COL24A1: variants seen among roughly 807,000 people sequenced by gnomAD.
COL24A1 encodes collagen alpha-1(XXIV) chain.
Under a neutral mutation model 253.9 loss-of-function variants are expected in COL24A1, and 224 were observed. That is an observed-to-expected ratio of 0.88 (90% CI 0.79 to 0.99). The LOEUF is 0.99. Ranked by LOEUF, COL24A1 falls within the 50% of genes least tolerant of loss-of-function variation. The probability of loss-of-function intolerance (pLI) is 0.00; values close to 1 mark genes in which losing one functional copy is unlikely to be tolerated. For missense variants in COL24A1, 2,131 were observed against 2,068.5 expected (o/e 1.03, Z -0.59); for synonymous variants, 685 against 673.7 (o/e 1.02, Z -0.26).
At position 85,744,719 on chromosome 1, in the gene COL24A1, T is replaced by A. The variant is rs758879756; in HGVS notation, c.4619A>T (p.Asn1540Ile). The A allele has an allele frequency of 6.2e-7, 1 of 1,609,920 alleles. No individual in the cohort carries two copies. Among genetic ancestry groups the A allele is most frequent in the Admixed American group, 1.7e-5 (1 of 59,408 alleles). ...TAAATCTTTGCAGATTCGTGCTGGGTTATCTCGTGTGCCAAGAGGATTCTT... is the reference window on the plus strand; with the variant it reads ...TAAATCTTTGCAGATTCGTGCTGGGATATCTCGTGTGCCAAGAGGATTCTT... ...SIKNPLGTRD[N>I]PARICKDLLN... The change falls in exon 57 of 60, where the codon AAC (asparagine) becomes ATC (isoleucine). Residue 1540 changes from asparagine to isoleucine, a missense_variant. By Grantham distance (149) the Asn-to-Ile change is moderately radical (BLOSUM62 -3). Transcript: ENST00000370571.
chr1:85,736,609 T>A (rs1664085624), intron 58 of COL24A1: 2 of 417,030 alleles, frequency 4.8e-6, no homozygotes, highest in Non-Finnish European at 9.8e-6. Context: ...AGAGGTGTTT[T>A]AGGAGGAGAG....
intron 24 of COL24A1, among the ~76,000 whole-genome samples, chr1:85,954,903 C>T (rs771375374): frequency 6.6e-6 from 1 of 152,164 alleles, no homozygotes; most frequent in Non-Finnish European, 1.5e-5. Context: ...TGAATGGTAC[C>T]ACCAGTATCT....
chr1:85,730,814 C>T, intron 59 of COL24A1, 122 bp from the exon 60 acceptor site: 1 of 971,422 alleles, frequency 1.0e-6, no homozygotes. Flanking sequence ...TAGAAAGTGC[C>T]TAGAACAATG....
chr1:85,823,216 C>T (rs113165963), intron 45 of COL24A1, among the ~76,000 whole-genome samples: 2,438 of 152,096 alleles, frequency 0.016, 63 homozygotes, highest in African/African-American at 0.055. Flanking sequence ...CCTTATAATA[C>T]TAGTTTTAAG....
At chr1:85,971,910 AG>A (rs1421866026) in intron 20 of COL24A1, among the ~76,000 whole-genome samples, 1 of 152,218 alleles carries the variant, frequency 6.6e-6, no homozygotes, top group African/African-American at 2.4e-5. Flanking sequence ...AAAAGAGAAG[AG>A]GAATTTGCAG....
At chr1:86,059,284 C>T (rs1357049296) in intron 8 of COL24A1, 110 bp from the exon 9 acceptor site, 5 of 640,406 alleles carry the variant, frequency 7.8e-6, no homozygotes, top group African/African-American at 1.9e-5. Flanking sequence ...ATACGGAGTC[C>T]TACACATGGC....
At chr1:85,801,542 C>T (rs1015330743) in intron 47 of COL24A1, among the ~76,000 whole-genome samples, 1 of 152,230 alleles carries the variant, frequency 6.6e-6, no homozygotes, top group African/African-American at 2.4e-5. Flanking sequence ...ATTCTAGTAA[C>T]ATCATTTCTT....
At chr1:85,775,389 G>A (rs928421242) in intron 53 of COL24A1, among the ~76,000 whole-genome samples, 12 of 152,096 alleles carry the variant, frequency 7.9e-5, no homozygotes, top group Non-Finnish European at 1.0e-4. Flanking sequence ...TATTAGGTCC[G>A]CTTGGTCCAG....
chr1:85,923,541 G>T (rs1361845717), intron 24 of COL24A1, among the ~76,000 whole-genome samples: 1 of 152,174 alleles, frequency 6.6e-6, no homozygotes, highest in African/African-American at 2.4e-5. Context: ...CAACTACATG[G>T]AAACTGAACA....
chr1:86,030,567 T>A (rs892211508), intron 14 of COL24A1: 1 of 152,184 alleles, frequency 6.6e-6, no homozygotes, highest in African/African-American at 2.4e-5. Context: ...TCTTTGGTCA[T>A]CAAAGGCCAT....
At chr1:85,738,357 G>A (rs1321376893) in intron 57 of COL24A1, among the ~76,000 whole-genome samples, 1 of 152,000 alleles carries the variant, frequency 6.6e-6, no homozygotes, top group Non-Finnish European at 1.5e-5. Context: ...ACAATTAAAT[G>A]TTTATCATTT....
chr1:86,150,073 C>G (rs1178770139), intron 1 of COL24A1, among the ~76,000 whole-genome samples: 3 of 152,164 alleles, frequency 2.0e-5, no homozygotes, highest in South Asian at 4.1e-4. Flanking sequence ...TCCAGCCATA[C>G]AAAGTTATTC....
At chr1:85,995,866 T>C (rs543920662) in intron 19 of COL24A1, among the ~76,000 whole-genome samples, 1 of 152,276 alleles carries the variant, frequency 6.6e-6, no homozygotes, top group African/African-American at 2.4e-5. Context: ...GTAAGATGTT[T>C]CTGCTTACCC....
chr1:86,118,939 G>A lies in COL24A1; in HGVS notation c.1492-3561C>T, dbSNP rs76520155. On this transcript the variant is annotated intron_variant, in intron 3 of 59. Coordinates refer to ENST00000370571, the MANE Select transcript of COL24A1 (RefSeq NM_152890.7). ...AAAAGTGGGGCAAGAGGCAGTTGCA[G>A]AGGTAAGCAGGGGCCATATCACATA... Among the ~76,000 whole-genome samples, 1,337 of 152,316 alleles carry A rather than the reference G, an allele frequency of 8.8e-3. 23 individuals carry two copies. The highest frequency in any genetic ancestry group is 0.074 in the East Asian group (385 of 5,172).
intron 19 of COL24A1, among the ~76,000 whole-genome samples, chr1:86,008,956 T>G (rs1696241080): frequency 8.9e-6 from 1 of 112,426 alleles, no homozygotes; most frequent in South Asian, 2.7e-4. Flanking sequence ...CTAAGGAATG[T>G]TAACACAAAA....
intron 28 of COL24A1, among the ~76,000 whole-genome samples, chr1:85,901,486 A>G (rs1684284966): frequency 6.6e-6 from 1 of 152,122 alleles, no homozygotes; most frequent in South Asian, 2.1e-4. Flanking sequence ...CATAGCCACT[A>G]TGGAAAAGAG....
intron 20 of COL24A1, among the ~76,000 whole-genome samples, chr1:85,978,606 T>C (rs1017978560): frequency 6.6e-6 from 1 of 152,142 alleles, no homozygotes; most frequent in Non-Finnish European, 1.5e-5. Flanking sequence ...GGATATTATA[T>C]AATGATAAAA....
chr1:85,744,848 A>T lies in COL24A1; in HGVS notation c.4504-14T>A, dbSNP rs1665038809. 1 of 1,603,844 alleles carries T rather than the reference A, an allele frequency of 6.2e-7. No homozygotes were observed. Among genetic ancestry groups the T allele is most frequent in the Non-Finnish European group, 8.5e-7 (1 of 1,176,126 alleles). On this transcript the variant is annotated splice_polypyrimidine_tract_variant and intron_variant, in intron 56 of 59. Coordinates refer to ENST00000370571, the MANE Select transcript of COL24A1 (RefSeq NM_152890.7). ...ATTCTGGTAGCTCTGCCAAGTCATC[A>T]TAAGAATTATATAAGCAAAAAAATC...
At chr1:85,733,214 C>A (rs1272362115) in intron 59 of COL24A1, among the ~76,000 whole-genome samples, 1 of 152,108 alleles carries the variant, frequency 6.6e-6, no homozygotes, top group African/African-American at 2.4e-5. Context: ...GATACTAAAT[C>A]ATGGGTTTCA....
Sources: allele counts gnomAD v4.1 joint callset (sites outside exome capture counted in the v4.1 genomes callset), GRCh38; gene constraint gnomAD v4.1.1; transcripts MANE v1.5; gene names NCBI Gene and HGNC (gene_info 2026-07-23, HGNC 2026-07-21).